Variants in DCAF1 observed in about 807,000 individuals in gnomAD.
DCAF1 encodes the protein DDB1 and CUL4 associated factor 1, also known as DDB1- and CUL4-associated factor 1.
Under a neutral mutation model 128.0 loss-of-function variants are expected in DCAF1, and 15 were observed. The ratio of observed to expected loss-of-function variants is 0.12; its 90% confidence interval spans 0.08 to 0.18. The LOEUF (loss-of-function observed/expected upper bound fraction) is 0.18. DCAF1 is among the 10% of genes least tolerant of loss of function. DCAF1 has a pLI of 1.00. For missense variants in DCAF1, 988 were observed against 1,649.5 expected, an observed-to-expected ratio of 0.60 and a Z score of 6.95; for synonymous variants, 610 against 603.0, an observed-to-expected ratio of 1.01 and a Z score of -0.17.
At chr3:51,416,897 A>C (rs1698932855) in intron 17 of DCAF1, 26 bp from the exon 18 acceptor site, 3 of 1,590,430 alleles carry the variant, frequency 1.9e-6, no homozygotes, top group Non-Finnish European at 2.6e-6. Context: ...AGGAGCACTG[A>C]AGTGACAGAT....
intron 9 of DCAF1, among the ~76,000 whole-genome samples, chr3:51,435,438 C>G (rs902461980): frequency 6.6e-6 from 1 of 152,216 alleles, no homozygotes; most frequent in Non-Finnish European, 1.5e-5. Flanking sequence ...TGACCTCCTC[C>G]AAACTTGAAA....
intron 3 of DCAF1, among the ~76,000 whole-genome samples, chr3:51,479,339 T>C (rs1223718438): frequency 2.6e-5 from 4 of 151,716 alleles, no homozygotes; most frequent in African/African-American, 9.7e-5. Context: ...CTATCTCTAC[T>C]AAAAATACAA....
intron 24 of DCAF1, among the ~76,000 whole-genome samples, chr3:51,401,429 A>G (rs1034966108): frequency 5.3e-5 from 8 of 152,170 alleles, no homozygotes; most frequent in East Asian, 1.9e-4. Context: ...GAAACACAGA[A>G]AGAGCCATGG....
chr3:51,418,928 A>C, intron 15 of DCAF1, 52 bp from the exon 16 acceptor site: 1 of 1,519,842 alleles, frequency 6.6e-7, no homozygotes. Context: ...GGGACTCAGA[A>C]AAAGCAAACT....
At position 51,433,192 on chromosome 3, in the gene DCAF1, G is replaced by A. The variant is rs1700534789; in HGVS notation, c.1201C>T (p.Leu401=). 2.5e-6 allele frequency: 1 copy of A among 398,390 alleles called. No homozygotes were observed. The highest frequency in any genetic ancestry group is 4.4e-5 in the Admixed American group (1 of 22,696). The allele number at this position is 398,390 out of a possible 1,614,324, so 24.7% of individuals were successfully genotyped here. A position where few individuals can be genotyped will look rare whatever the true frequency, so the allele number is the denominator to read the frequency against. Residue 401 remains leucine (L), a synonymous_variant, in exon 10 of 25, where the codon CTG becomes TTG. Coordinates refer to ENST00000684031, the MANE Select transcript of DCAF1 (RefSeq NM_001387579.1). ...GCCATAGAAGGACGAGGTATTTCCA[G>A]TAATTTCTGTACTCCACCATGCGCA... ...FVAHGGVQKL[L]EIPRPSMAAT... is the part of the protein sequence containing the mutation.
intron 3 of DCAF1, among the ~76,000 whole-genome samples, chr3:51,474,932 A>C: frequency 6.6e-6 from 1 of 151,720 alleles, no homozygotes; most frequent in Admixed American, 6.6e-5. Flanking sequence ...TTACAGGTAC[A>C]TGCCACCATG....
At chr3:51,461,132 G>A (rs1237260329) in intron 6 of DCAF1, among the ~76,000 whole-genome samples, 11 of 151,258 alleles carry the variant, frequency 7.3e-5, no homozygotes, top group East Asian at 3.9e-4. Flanking sequence ...GCAACCTACA[G>A]AATGGGAGAA....
intron 2 of DCAF1, among the ~76,000 whole-genome samples, chr3:51,485,721 A>G (rs1264037742): frequency 6.6e-6 from 1 of 152,204 alleles, no homozygotes; most frequent in Non-Finnish European, 1.5e-5. Context: ...TGATATCATT[A>G]TTGCATTGCA....
At chr3:51,451,069 CTTTTTTTTTTTTTTTT>C (rs1167474829) in intron 6 of DCAF1, among the ~76,000 whole-genome samples, 34 of 27,108 alleles carry the variant, frequency 1.3e-3, no homozygotes, top group East Asian at 8.4e-3. Context: ...AAAGGAAATT[CTTTTTTTTTTTTTTTT>C]TTTTTTTTTT....
intron 21 of DCAF1, 89 bp from the exon 22 acceptor site, chr3:51,413,155 C>G: frequency 6.4e-7 from 1 of 1,572,356 alleles, no homozygotes; most frequent in Non-Finnish European, 8.6e-7. Flanking sequence ...AGGATGATTG[C>G]TCAAAAGTAT....
chr3:51,476,686 G>A (rs1489073957), intron 3 of DCAF1, among the ~76,000 whole-genome samples: 2 of 151,550 alleles, frequency 1.3e-5, no homozygotes, highest in African/African-American at 4.9e-5. Context: ...GACCATCCTG[G>A]CTAACACGGT....
chr3:51,414,078 A>C, intron 19 of DCAF1, 35 bp from the exon 20 acceptor site: 1 of 1,548,990 alleles, frequency 6.5e-7, no homozygotes. Flanking sequence ...ACTATTTTAC[A>C]CAAAACTTAT....
At chr3:51,469,898 G>C (rs1320914069) in intron 4 of DCAF1, among the ~76,000 whole-genome samples, 1 of 152,090 alleles carries the variant, frequency 6.6e-6, no homozygotes, top group African/African-American at 2.4e-5. Flanking sequence ...GTGCATGCTT[G>C]TAATCCCAGC....
intron 24 of DCAF1, among the ~76,000 whole-genome samples, chr3:51,400,746 C>G (rs782160451): frequency 1.4e-4 from 22 of 152,110 alleles, no homozygotes; most frequent in Non-Finnish European, 2.8e-4. Flanking sequence ...CTAAGGCAGA[C>G]AATCTAGGTA....
At chr3:51,493,638 G>A (rs962014207) in intron 2 of DCAF1, among the ~76,000 whole-genome samples, 18 of 151,968 alleles carry the variant, frequency 1.2e-4, no homozygotes, top group Admixed American at 2.6e-4. Flanking sequence ...CTACAGATGT[G>A]GAAAAACCTT....
rs375516547 is a variant in DCAF1, at chr3:51,418,218, G to A, written c.3436-20C>T. 1.9e-6 allele frequency: 3 copies of A among 1,599,448 alleles called. No individual in the cohort carries two copies. The highest frequency in any genetic ancestry group is 1.3e-5 in the African/African-American group (1 of 74,586). ...CCCATCCTAAAAGAAAAAGGCGCAA[G>A]GTGGGTAACCACGTATTTACATACA... is the stretch of plus-strand genomic sequence containing the variant. On this transcript the variant is annotated intron_variant, in intron 16 of 24. Coordinates refer to ENST00000684031, the MANE Select transcript of DCAF1 (RefSeq NM_001387579.1).
chr3:51,472,189 C>G (rs1477649403), intron 3 of DCAF1, among the ~76,000 whole-genome samples: 1 of 152,170 alleles, frequency 6.6e-6, no homozygotes, highest in Non-Finnish European at 1.5e-5. Flanking sequence ...TTCTTCCACT[C>G]CTCCACCCTC....
At chr3:51,503,444 C>T (rs558953021), upstream of DCAF1, among the ~76,000 whole-genome samples, 38 of 152,174 alleles carry the variant, frequency 2.5e-4, no homozygotes, top group South Asian at 8.3e-4. Context: ...CTAGGCTTAC[C>T]CAGGTGCTCC....
At chr3:51,484,431 C>T (rs573937696) in intron 2 of DCAF1, among the ~76,000 whole-genome samples, 70 of 152,068 alleles carry the variant, frequency 4.6e-4, no homozygotes, top group Non-Finnish European at 9.6e-4. Context: ...CGAGATCACA[C>T]CATTGCACTC....
Sources: gnomAD v4.1 joint callset for allele counts (sites outside exome capture counted in the v4.1 genomes callset) on GRCh38, gnomAD v4.1.1 for gene constraint, MANE v1.5 for transcripts, NCBI Gene and HGNC (gene_info 2026-07-23, HGNC 2026-07-21) for gene names.